Variants in SLC24A3 observed in about 807,000 individuals in gnomAD.
SLC24A3 encodes sodium/potassium/calcium exchanger 3.
In SLC24A3, 28 loss-of-function variants were observed where a neutral mutation model predicts 75.8. The ratio of observed to expected loss-of-function variants is 0.37; its 90% CI spans 0.27 to 0.51. The LOEUF is 0.51. SLC24A3 is among the 20% of genes least tolerant of loss of function. The probability of loss-of-function intolerance (pLI) is 0.94; values close to 1 mark genes in which losing one functional copy is unlikely to be tolerated. For synonymous variants in SLC24A3, 372 were observed against 334.1 expected, an observed-to-expected ratio of 1.11 and a Z score of -1.24; for missense variants, 663 against 847.8, an observed-to-expected ratio of 0.78 and a Z score of 2.71.
At chr20:19,591,288 A>G (rs894363584) in intron 6 of SLC24A3, among the ~76,000 whole-genome samples, 1 of 152,190 alleles carries the variant, frequency 6.6e-6, no homozygotes, top group Admixed American at 6.5e-5. Context: ...TCAGATCCAC[A>G]TCTAGACTAA....
intron 8 of SLC24A3, among the ~76,000 whole-genome samples, chr20:19,666,292 G>A (rs561097888): frequency 6.6e-6 from 1 of 151,960 alleles, no homozygotes; most frequent in East Asian, 2.0e-4. Flanking sequence ...GGATCACGAG[G>A]TCAGGAGATC....
At chr20:19,665,557 C>T (rs1350177941) in intron 7 of SLC24A3, among the ~76,000 whole-genome samples, 2 of 152,186 alleles carry the variant, frequency 1.3e-5, no homozygotes, top group Non-Finnish European at 2.9e-5. Context: ...AGGTTAGTCA[C>T]ACTTCCCTGT....
chr20:19,406,188 G>A (rs1351073864), intron 2 of SLC24A3, among the ~76,000 whole-genome samples: 1 of 148,936 alleles, frequency 6.7e-6, no homozygotes. Context: ...GATGGTGTGT[G>A]TGTGTGTGTG....
intron 6 of SLC24A3, among the ~76,000 whole-genome samples, chr20:19,592,246 C>A (rs754451323): frequency 5.3e-5 from 8 of 152,124 alleles, no homozygotes; most frequent in Non-Finnish European, 8.8e-5. Context: ...GCTTCTTTGC[C>A]ATCTTCTTTG....
intron 2 of SLC24A3, among the ~76,000 whole-genome samples, chr20:19,510,018 G>A (rs533142141): frequency 2.0e-5 from 3 of 152,316 alleles, no homozygotes; most frequent in East Asian, 1.9e-4. Context: ...GCAAGGCAAC[G>A]AGTGAAATAA....
chr20:19,679,002 G>A lies in SLC24A3; in HGVS notation c.768-2856G>A, dbSNP rs750590009. On this transcript the variant is annotated intron_variant, in intron 9 of 16. Transcript: ENST00000328041. Reference sequence around the variant, plus strand: ...GATGGGATGGCGGCCGGGCAGAGACGCTCCTCACTTTCCAGACTGGGCAGC... The same window carrying A: ...GATGGGATGGCGGCCGGGCAGAGACACTCCTCACTTTCCAGACTGGGCAGC... Among the ~76,000 whole-genome samples the A allele has an allele frequency of 6.0e-3, 897 of 149,658 alleles. 1 individual carries two copies. The highest frequency in any genetic ancestry group is 0.028 in the Middle Eastern group (8 of 288).
intron 2 of SLC24A3, among the ~76,000 whole-genome samples, chr20:19,383,819 C>A (rs1046399187): frequency 6.6e-6 from 1 of 152,148 alleles, no homozygotes; most frequent in Non-Finnish European, 1.5e-5. Flanking sequence ...GGGAGACTGT[C>A]TTCTGTCTCC....
chr20:19,247,463 G>A (rs1395030405), intron 1 of SLC24A3, among the ~76,000 whole-genome samples: 2 of 152,130 alleles, frequency 1.3e-5, no homozygotes, highest in African/African-American at 4.8e-5. Flanking sequence ...TCTTTTGGAG[G>A]AAAGGGTGTA....
chr20:19,546,613 T>A (rs1203465815), intron 3 of SLC24A3, among the ~76,000 whole-genome samples: 2 of 152,168 alleles, frequency 1.3e-5, no homozygotes, highest in African/African-American at 4.8e-5. Context: ...GCCTCCTTTT[T>A]TTGAGGGGAA....
At chr20:19,562,012 G>A (rs955530961) in intron 3 of SLC24A3, among the ~76,000 whole-genome samples, 8 of 152,116 alleles carry the variant, frequency 5.3e-5, no homozygotes, top group Non-Finnish European at 1.2e-4. Context: ...AGCTACCACT[G>A]TAGTCCAGTC....
At chr20:19,220,524 G>A (rs772963993) in intron 1 of SLC24A3, among the ~76,000 whole-genome samples, 9 of 152,174 alleles carry the variant, frequency 5.9e-5, no homozygotes, top group Non-Finnish European at 1.2e-4. Flanking sequence ...TCAGGAAGTC[G>A]ATAATGCCAT....
In SLC24A3 at chr20:19,696,818, C is replaced by G. The variant is rs777529569; in HGVS notation, c.1513C>G (p.Leu505Val). The change falls in exon 14 of 17, where the codon CTG becomes GTG. Residue 505 changes from leucine to valine, a missense_variant. By Grantham distance (32) the Leu-to-Val change is conservative. Around this residue, in one of 2 missense-constraint regions of SLC24A3, gnomAD observed 510 missense variants for 703.6 expected, o/e 0.72. Transcript: ENST00000328041. ...CTAGGTCACAATCATTGGTTACACC[C>G]TGGGGATTCCTGACGTCATCATGGG... ...VWMVTIIGYT[L>V]GIPDVIMGIT... The G allele has an allele frequency of 1.2e-6, 2 of 1,614,078 alleles. No individual in the cohort carries two copies. Among genetic ancestry groups the G allele is most frequent in the Admixed American group, 3.3e-5 (2 of 60,022 alleles).
chr20:19,350,612 C>A (rs1985544938), intron 2 of SLC24A3, among the ~76,000 whole-genome samples: 1 of 152,166 alleles, frequency 6.6e-6, no homozygotes. Flanking sequence ...AGCTCCAGGG[C>A]ACCATGGTAA....
chr20:19,341,897 G>A (rs896729900), intron 2 of SLC24A3, among the ~76,000 whole-genome samples: 6 of 152,152 alleles, frequency 3.9e-5, no homozygotes, highest in Non-Finnish European at 7.3e-5. Flanking sequence ...CATTGTCTCT[G>A]TGTGTTTCTG....
rs73281357 is a variant in SLC24A3 at position 19,540,183 on chromosome 20, C to T, written c.348+24619C>T. 6.8e-3 allele frequency among the ~76,000 whole-genome samples: 1,029 copies of T among 152,252 alleles called. 14 individuals carry two copies. The highest frequency in any genetic ancestry group is 0.024 in the African/African-American group (987 of 41,526). On this transcript the variant is annotated intron_variant, in intron 3 of 16. Coordinates refer to ENST00000328041, the MANE Select transcript of SLC24A3 (RefSeq NM_020689.4). The stretch of plus-strand genomic sequence containing the variant: ...CTCAGCATACCAAGGTGCCACACTT[C>T]GGGATATGATGTTCTGAGTCCCAGC...
rs552578171 is a variant in SLC24A3, at chr20:19,305,324, C to A, written c.271+24237C>A. On this transcript the variant is annotated intron_variant, in intron 2 of 16. Coordinates refer to ENST00000328041, the MANE Select transcript of SLC24A3 (RefSeq NM_020689.4). The stretch of plus-strand genomic sequence containing the variant: ...TTGCAGTTTCTCACCTCTTTGAATG[C>A]CTTCTTAGCACTCACTATGCCATGG... Among the ~76,000 whole-genome samples, 114 of 152,182 alleles carry A rather than the reference C, an allele frequency of 7.5e-4. 1 individual carries two copies. The highest frequency in any genetic ancestry group is 2.7e-3 in the African/African-American group (111 of 41,508).
chr20:19,282,753 C>T (rs1406555305), intron 2 of SLC24A3, among the ~76,000 whole-genome samples: 2 of 152,182 alleles, frequency 1.3e-5, no homozygotes, highest in African/African-American at 4.8e-5. Flanking sequence ...CAGCCATATG[C>T]AGAACCAGCA....
At chr20:19,426,548 C>A (rs1987009933) in intron 2 of SLC24A3, among the ~76,000 whole-genome samples, 1 of 152,208 alleles carries the variant, frequency 6.6e-6, no homozygotes, top group Admixed American at 6.5e-5. Context: ...TAGGGATAGG[C>A]ACTTGGATTG....
intron 3 of SLC24A3, among the ~76,000 whole-genome samples, chr20:19,524,048 AG>A (rs1308933415): frequency 6.6e-6 from 1 of 152,174 alleles, no homozygotes; most frequent in African/African-American, 2.4e-5. Context: ...CTCTCGCTTC[AG>A]CTGGGCTAAC....
Sources: allele counts gnomAD v4.1 joint callset (sites outside exome capture counted in the v4.1 genomes callset), GRCh38; gene constraint gnomAD v4.1.1; regional missense constraint gnomAD v4.1.1; transcripts MANE v1.5; gene names NCBI Gene and HGNC (gene_info 2026-07-23, HGNC 2026-07-21).